PLEKHM3: variants seen among roughly 807,000 people sequenced by gnomAD.
PLEKHM3 encodes pleckstrin homology domain containing M3.
PLEKHM3 carries 45 observed loss-of-function variants against 81.8 expected under a neutral mutation model. The observed-to-expected ratio is 0.55, with a 90% CI of 0.43 to 0.71. The LOEUF is 0.71. Among genes scored for constraint, PLEKHM3 ranks in the 30% least tolerant of loss-of-function variants. The probability of loss-of-function intolerance (pLI) is 0.00; values close to 1 mark genes in which losing one functional copy is unlikely to be tolerated. For synonymous variants in PLEKHM3, 352 were observed against 356.4 expected (o/e 0.99, Z 0.14); for missense variants, 788 against 924.3 (o/e 0.85, Z 1.91).
chr2:207,839,605 C>T (rs757460978), intron 7 of PLEKHM3, among the ~76,000 whole-genome samples: 1 of 152,130 alleles, frequency 6.6e-6, no homozygotes, highest in Non-Finnish European at 1.5e-5. Context: ...AAATGTGATG[C>T]AGCCAAGCCA....
chr2:207,931,165 C>A, intron 4 of PLEKHM3, 46 bp from the exon 5 acceptor site: 4 of 1,517,700 alleles, frequency 2.6e-6, no homozygotes, highest in Non-Finnish European at 3.6e-6. Context: ...GCACCTGGCT[C>A]TCCACACCTG....
chr2:207,885,387 C>T (rs1687856086), intron 6 of PLEKHM3, among the ~76,000 whole-genome samples: 1 of 152,230 alleles, frequency 6.6e-6, no homozygotes, highest in Non-Finnish European at 1.5e-5. Flanking sequence ...CTCTAGCTTG[C>T]TTGACATGGG....
chr2:207,865,804 ATATAT>A (rs1559212882), intron 6 of PLEKHM3, among the ~76,000 whole-genome samples: 618 of 30,858 alleles, frequency 0.02, 57 homozygotes, highest in African/African-American at 0.026. Context: ...AAAAAAAAAG[ATATAT>A]ATATATATAT....
At chr2:208,005,313 G>A (rs1241262450) in intron 1 of PLEKHM3, among the ~76,000 whole-genome samples, 1 of 152,000 alleles carries the variant, frequency 6.6e-6, no homozygotes, top group Non-Finnish European at 1.5e-5. Context: ...TTTCCCTAAT[G>A]TCCTCTATCT....
At chr2:207,854,622 G>A (rs957849154) in intron 7 of PLEKHM3, among the ~76,000 whole-genome samples, 1 of 151,938 alleles carries the variant, frequency 6.6e-6, no homozygotes, top group Non-Finnish European at 1.5e-5. Context: ...AACCACTCTT[G>A]GTGTTTAACT....
intron 7 of PLEKHM3, among the ~76,000 whole-genome samples, chr2:207,844,477 T>G (rs1421252507): frequency 4.7e-5 from 7 of 150,522 alleles, no homozygotes; most frequent in African/African-American, 4.9e-5. Flanking sequence ...GAATTTTTTT[T>G]TTTTTTTTTT....
intron 5 of PLEKHM3, among the ~76,000 whole-genome samples, chr2:207,924,287 T>G (rs995397204): frequency 9.2e-5 from 14 of 152,134 alleles, no homozygotes; most frequent in Admixed American, 7.2e-4. Context: ...AACAAACTAG[T>G]GAGTGATCTC....
At chr2:207,860,151 CTGTGTGTG>C (rs55739776) in intron 7 of PLEKHM3, among the ~76,000 whole-genome samples, 26,743 of 110,638 alleles carry the variant, frequency 0.24, 2,903 homozygotes, top group Admixed American at 0.31. Context: ...AACTCTGCCT[CTGTGTGTG>C]TGTGTGTGTG....
At chr2:207,964,400 T>C (rs1690844476) in intron 3 of PLEKHM3, among the ~76,000 whole-genome samples, 1 of 152,160 alleles carries the variant, frequency 6.6e-6, no homozygotes, top group Non-Finnish European at 1.5e-5. Context: ...AATCACACTT[T>C]GAGAGATCCT....
At chr2:207,865,802 AGATATATATATATATATAT>A (rs2092496115) in intron 6 of PLEKHM3, among the ~76,000 whole-genome samples, 3 of 40,950 alleles carry the variant, frequency 7.3e-5, no homozygotes, top group East Asian at 7.0e-4. Flanking sequence ...AAAAAAAAAA[AGATATATATATATATATAT>A]ATATATATAT....
At chr2:207,915,831 C>T (rs557159160) in intron 5 of PLEKHM3, among the ~76,000 whole-genome samples, 1 of 152,300 alleles carries the variant, frequency 6.6e-6, no homozygotes, top group East Asian at 1.9e-4. Flanking sequence ...AATATGTGCT[C>T]CAGGGTAGGT....
intron 4 of PLEKHM3, among the ~76,000 whole-genome samples, chr2:207,938,228 T>A (rs1689821510): frequency 2.0e-5 from 3 of 152,346 alleles, no homozygotes; most frequent in African/African-American, 7.2e-5. Flanking sequence ...GGGAAAGTTA[T>A]CTTCAAAGAG....
intron 6 of PLEKHM3, among the ~76,000 whole-genome samples, chr2:207,897,155 T>C (rs73064826): frequency 0.014 from 2,096 of 152,262 alleles, 47 homozygotes; most frequent in African/African-American, 0.048. Flanking sequence ...CTATTCTGCA[T>C]TCCCTACCAA....
At chr2:207,924,264 C>T (rs114456911) in intron 5 of PLEKHM3, among the ~76,000 whole-genome samples, 2,782 of 152,080 alleles carry the variant, frequency 0.018, 85 homozygotes, top group African/African-American at 0.064. Context: ...ATGTCCAGTA[C>T]GCAGCTGGAC....
intron 6 of PLEKHM3, among the ~76,000 whole-genome samples, chr2:207,888,522 G>A (rs1183303017): frequency 1.3e-5 from 2 of 151,940 alleles, no homozygotes; most frequent in African/African-American, 2.4e-5. Flanking sequence ...TCAGCCTCCC[G>A]AGTAGCTGGG....
At chr2:208,015,863 G>A (rs955245948) in intron 1 of PLEKHM3, among the ~76,000 whole-genome samples, 1 of 152,170 alleles carries the variant, frequency 6.6e-6, no homozygotes, top group African/African-American at 2.4e-5. Flanking sequence ...TGTTACAATC[G>A]ATAATTCAAA....
At chr2:207,989,964 T>C (rs1691845642) in intron 2 of PLEKHM3, among the ~76,000 whole-genome samples, 1 of 152,174 alleles carries the variant, frequency 6.6e-6, no homozygotes, top group Non-Finnish European at 1.5e-5. Flanking sequence ...CCAGAATTAG[T>C]GCTCTTAGGA....
chr2:207,856,519 A>G (rs1375299889), intron 7 of PLEKHM3, among the ~76,000 whole-genome samples: 3 of 152,142 alleles, frequency 2.0e-5, no homozygotes, highest in Non-Finnish European at 4.4e-5. Flanking sequence ...TACTGTCTGT[A>G]TAGTTTTGCC....
At chr2:207,987,934 C>T (rs1691780538) in intron 2 of PLEKHM3, among the ~76,000 whole-genome samples, 1 of 152,196 alleles carries the variant, frequency 6.6e-6, no homozygotes, top group South Asian at 2.1e-4. Context: ...CCGATTTAAT[C>T]ACCAATTCTG....
Sources: allele counts gnomAD v4.1 joint callset (sites outside exome capture counted in the v4.1 genomes callset), GRCh38; gene constraint gnomAD v4.1.1; transcripts MANE v1.5; gene names NCBI Gene and HGNC (gene_info 2026-07-23, HGNC 2026-07-21).